Variants in MGAT4C observed in about 807,000 individuals in gnomAD.
MGAT4C encodes MGAT4 family member C, also known as alpha-1,3-mannosyl-glycoprotein 4-beta-N-acetylglucosaminyltransferase C.
MGAT4C carries 19 observed loss-of-function variants against 40.1 expected under a neutral mutation model. The observed-to-expected ratio is 0.47, with a 90% confidence interval of 0.33 to 0.70. The LOEUF is 0.70. MGAT4C is among the 30% of genes least tolerant of loss of function. The probability of loss-of-function intolerance (pLI) is 0.02; values close to 1 mark genes in which losing one functional copy is unlikely to be tolerated. For missense variants in MGAT4C, 491 were observed against 563.2 expected, an observed-to-expected ratio of 0.87 and a Z score of 1.30; for synonymous variants, 181 against 187.1, an observed-to-expected ratio of 0.97 and a Z score of 0.27.
chr12:86,825,966 T>C (rs1427168020), intron 1 of MGAT4C, among the ~76,000 whole-genome samples: 2 of 151,436 alleles, frequency 1.3e-5, no homozygotes, highest in African/African-American at 4.8e-5. Context: ...GTTACTGTGA[T>C]TGGCAATAGT....
At chr12:86,254,691 T>C (rs1952442473) in intron 1 of MGAT4C, among the ~76,000 whole-genome samples, 2 of 152,052 alleles carry the variant, frequency 1.3e-5, no homozygotes, top group South Asian at 2.1e-4. Flanking sequence ...ACTTTAAATT[T>C]TGAAATTCAC....
chr12:86,425,206 T>A (rs567876358), intron 3 of MGAT4C, among the ~76,000 whole-genome samples: 6 of 152,304 alleles, frequency 3.9e-5, no homozygotes, highest in African/African-American at 1.4e-4. Flanking sequence ...CAGTCTTTCA[T>A]CATAATTTAA....
intron 2 of MGAT4C, among the ~76,000 whole-genome samples, chr12:86,634,871 C>T (rs921485929): frequency 6.6e-6 from 1 of 152,128 alleles, no homozygotes; most frequent in Non-Finnish European, 1.5e-5. Context: ...TAGGTTCAGC[C>T]TTCATGAAAA....
At position 85,997,604 on chromosome 12, in the gene MGAT4C, A is replaced by G. The variant is rs569088352; in HGVS notation, c.-6-8052T>C. ...CCATTACAAATGGAAGAAATTGGTC[A>G]AAACAAAGGGGTACAGGCCCCATGC... On this transcript the variant is annotated intron_variant, in intron 2 of 4. Transcript: ENST00000611864. Among the ~76,000 whole-genome samples the G allele has an allele frequency of 6.6e-5, 10 of 152,314 alleles. No homozygotes were observed. The East Asian group carries it at 1.7e-3, about 26-fold the overall frequency.
chr12:86,476,849 T>C (rs780879199), intron 2 of MGAT4C, among the ~76,000 whole-genome samples: 48 of 152,128 alleles, frequency 3.2e-4, no homozygotes, highest in African/African-American at 1.2e-3. Flanking sequence ...TATAGCATGT[T>C]CTCACATGTA....
intron 1 of MGAT4C, among the ~76,000 whole-genome samples, chr12:86,130,942 T>C (rs1881084788): frequency 6.6e-6 from 1 of 152,026 alleles, no homozygotes. Context: ...TTATTACTAG[T>C]ACTATTTCTA....
chr12:86,266,621 G>T (rs1952793603), intron 4 of MGAT4C, among the ~76,000 whole-genome samples: 1 of 152,058 alleles, frequency 6.6e-6, no homozygotes, highest in Admixed American at 6.6e-5. Context: ...GTCCTTGTCT[G>T]GTTTTGGTAT....
intron 3 of MGAT4C, among the ~76,000 whole-genome samples, chr12:86,363,196 A>C (rs971558508): frequency 2.0e-5 from 3 of 152,172 alleles, no homozygotes; most frequent in Non-Finnish European, 4.4e-5. Context: ...TATACCCAAC[A>C]GTTGCAGAAT....
intron 1 of MGAT4C, among the ~76,000 whole-genome samples, chr12:86,189,817 G>A (rs1001036275): frequency 3.3e-5 from 5 of 152,066 alleles, no homozygotes; most frequent in Admixed American, 1.3e-4. Context: ...AAGTCCTTTT[G>A]TATTCCCTCC....
intron 2 of MGAT4C, among the ~76,000 whole-genome samples, chr12:86,699,655 C>T (rs1430648474): frequency 1.3e-5 from 2 of 151,990 alleles, no homozygotes; most frequent in African/African-American, 4.8e-5. Context: ...CTACTGTTGA[C>T]TGGAAGCCTG....
At chr12:86,428,170 TTTAGA>T (rs1399201087) in intron 3 of MGAT4C, among the ~76,000 whole-genome samples, 1 of 152,208 alleles carries the variant, frequency 6.6e-6, no homozygotes, top group East Asian at 1.9e-4. Context: ...GAATTATTTA[TTTAGA>T]TTATTTCATT....
chr12:86,213,229 T>G (rs1463820204), intron 1 of MGAT4C, among the ~76,000 whole-genome samples: 1 of 133,828 alleles, frequency 7.5e-6, no homozygotes, highest in Non-Finnish European at 1.6e-5. Context: ...AATTGACAGA[T>G]CAATTTGGGA....
intron 3 of MGAT4C, among the ~76,000 whole-genome samples, chr12:86,407,591 A>G (rs960367564): frequency 1.3e-5 from 2 of 152,012 alleles, no homozygotes; most frequent in Non-Finnish European, 2.9e-5. Flanking sequence ...TTTGAAGTGG[A>G]GGTTACTGGA....
chr12:86,080,495 C>T (rs957929170), intron 1 of MGAT4C, among the ~76,000 whole-genome samples: 18 of 152,078 alleles, frequency 1.2e-4, no homozygotes, highest in African/African-American at 4.3e-4. Context: ...ATGTGAAGTG[C>T]TATAATAGCA....
chr12:86,470,187 A>C (rs1957738612), intron 2 of MGAT4C, among the ~76,000 whole-genome samples: 1 of 152,142 alleles, frequency 6.6e-6, no homozygotes, highest in Admixed American at 6.6e-5. Flanking sequence ...TTTCTCCAAA[A>C]AGTAATGTTG....
At chr12:86,408,566 A>T (rs1362795613) in intron 3 of MGAT4C, among the ~76,000 whole-genome samples, 1 of 138,540 alleles carries the variant, frequency 7.2e-6, no homozygotes, top group South Asian at 2.3e-4. Context: ...TATATTTTTT[A>T]AATTTTATTT....
intron 3 of MGAT4C, among the ~76,000 whole-genome samples, chr12:86,365,472 G>A (rs1230021541): frequency 1.3e-5 from 2 of 152,176 alleles, no homozygotes; most frequent in African/African-American, 4.8e-5. Flanking sequence ...GAAATCACAA[G>A]GCTATTGATT....
Position 85,960,280 on chromosome 12 carries a change from G to A in MGAT4C, c.*19009C>T, listed in dbSNP as rs1367076101. The A allele has an allele frequency of 6.6e-6, 1 of 151,980 alleles. No homozygotes were observed. The highest frequency in any genetic ancestry group is 1.9e-4 in the East Asian group (1 of 5,178). The allele number at this position is 151,980 out of a possible 1,614,324, so 9.4% of individuals were successfully genotyped here. A position where few individuals can be genotyped will look rare whatever the true frequency, so the allele number is the denominator to read the frequency against. On this transcript the variant is annotated 3_prime_UTR_variant, in exon 5 of 5. Coordinates refer to ENST00000611864, the MANE Select transcript of MGAT4C (RefSeq NM_001351288.2). Reference sequence around the variant, plus strand: ...GACAAAGATGACAAGGGCCGAAAAGGAAGTGATTTTCTCATTGAATAAGAG... The same window carrying A: ...GACAAAGATGACAAGGGCCGAAAAGAAAGTGATTTTCTCATTGAATAAGAG...
At chr12:86,510,000 T>C (rs1421457272) in intron 2 of MGAT4C, among the ~76,000 whole-genome samples, 1 of 152,188 alleles carries the variant, frequency 6.6e-6, no homozygotes, top group Non-Finnish European at 1.5e-5. Context: ...AGTCATGTCG[T>C]CTGCAAACAG....
Sources: allele counts gnomAD v4.1 joint callset (sites outside exome capture counted in the v4.1 genomes callset), GRCh38; gene constraint gnomAD v4.1.1; transcripts MANE v1.5; gene names NCBI Gene and HGNC (gene_info 2026-07-23, HGNC 2026-07-21).